Variants in QSER1 observed in about 807,000 individuals in gnomAD.
QSER1 encodes the protein glutamine and serine-rich protein 1.
A neutral mutation model predicts 158.5 loss-of-function variants in QSER1; 49 were observed. That is an observed-to-expected ratio of 0.31 (90% CI 0.25 to 0.39). QSER1 has a LOEUF of 0.39. Ranked by LOEUF, QSER1 falls within the 10% of genes least tolerant of loss-of-function variation. QSER1 has a pLI of 1.00. For missense variants in QSER1, 1,754 were observed against 2,010.3 expected (o/e 0.87, Z 2.44); for synonymous variants, 650 against 715.5 (o/e 0.91, Z 1.46).
At chr11:32,969,671 TTTTTC>T (rs1212906020) in intron 10 of QSER1, among the ~76,000 whole-genome samples, 12 of 151,266 alleles carry the variant, frequency 7.9e-5, no homozygotes, top group Admixed American at 3.3e-4. Context: ...TTTCTAGCTT[TTTTTC>T]TTTTCTTTTC....
rs774197742 is a variant in QSER1, at chr11:32,934,684, T to C, written c.3426T>C (p.Ser1142=). Residue 1142 remains serine, a synonymous_variant, in exon 4 of 13, where the codon AGT becomes AGC. Coordinates refer to ENST00000650167, the MANE Select transcript of QSER1 (RefSeq NM_001076786.3). The part of the protein sequence containing the change: ...RNQEFVSSSR[S]ISGENATSES... Reference sequence around the variant, plus strand: ...AAGAGTTTGTTTCTAGTAGTAGAAGTATAAGTGGAGAGAATGCTACATCAG... The same window carrying C: ...AAGAGTTTGTTTCTAGTAGTAGAAGCATAAGTGGAGAGAATGCTACATCAG... 6.2e-7 allele frequency: 1 copy of C among 1,613,814 alleles called. No homozygotes were observed. The highest frequency in any genetic ancestry group is 8.5e-7 in the Non-Finnish European group (1 of 1,179,908).
intron 1 of QSER1, among the ~76,000 whole-genome samples, chr11:32,903,282 A>G (rs560649805): frequency 4.6e-5 from 7 of 151,804 alleles, no homozygotes; most frequent in African/African-American, 1.5e-4. Flanking sequence ...AGCACCTCTC[A>G]TATTCTAGAC....
At chr11:32,943,758 T>G (rs1330910941) in intron 4 of QSER1, among the ~76,000 whole-genome samples, 3 of 152,110 alleles carry the variant, frequency 2.0e-5, no homozygotes, top group African/African-American at 4.8e-5. Flanking sequence ...TAAAATGAGT[T>G]AGGGAGGATT....
At position 32,957,134 on chromosome 11, in the gene QSER1, CT is replaced by C. The variant is rs548632242; in HGVS notation, c.4752-719del. On this transcript the variant is annotated intron_variant, in intron 7 of 12. Coordinates refer to ENST00000650167, the MANE Select transcript of QSER1 (RefSeq NM_001076786.3). ...GTTTTTCTTTTTTTTCTTTTTTTTT[CT>C]TTTTTTTTTTTTTTTCTTTTTTTTG... is the stretch of plus-strand genomic sequence containing the variant. Among the ~76,000 whole-genome samples the C allele has an allele frequency of 9.5e-3, 1,217 of 127,840 alleles. 6 individuals carry two copies. The highest frequency in any genetic ancestry group is 0.023 in the African/African-American group (796 of 34,868). 83.9% of individuals were successfully genotyped at this position (127,840 alleles called of 152,430 possible). A position where few individuals can be genotyped will look rare whatever the true frequency, so the allele number is the denominator to read the frequency against.
chr11:32,952,624 G>A (rs1041089439), intron 4 of QSER1, among the ~76,000 whole-genome samples: 1 of 152,030 alleles, frequency 6.6e-6, no homozygotes, highest in African/African-American at 2.4e-5. Context: ...AGAATGAGTT[G>A]GGAAGTGTTT....
At chr11:32,909,851 A>G (rs1392934090) in intron 1 of QSER1, among the ~76,000 whole-genome samples, 2 of 152,096 alleles carry the variant, frequency 1.3e-5, no homozygotes. Flanking sequence ...TATAAGGTGT[A>G]TTTTGATTTT....
At chr11:32,970,521 C>T (rs552402761) in intron 10 of QSER1, among the ~76,000 whole-genome samples, 134 of 152,280 alleles carry the variant, frequency 8.8e-4, no homozygotes, top group Non-Finnish European at 1.6e-3. Flanking sequence ...TCTCCTGCCT[C>T]AGCCTCCCAA....
chr11:32,962,419 T>G (rs1852641510), intron 8 of QSER1, among the ~76,000 whole-genome samples: 1 of 152,238 alleles, frequency 6.6e-6, no homozygotes, highest in Admixed American at 6.5e-5. Context: ...TATTAAACCC[T>G]TAATCAGATA....
intron 1 of QSER1, among the ~76,000 whole-genome samples, chr11:32,902,177 T>G (rs2133492537): frequency 6.6e-6 from 1 of 152,240 alleles, no homozygotes; most frequent in South Asian, 2.1e-4. Flanking sequence ...TTGAGAAAAT[T>G]TTCTCCTAGA....
Position 32,892,840 on chromosome 11 carries a change from A to T in QSER1, c.-286A>T, listed in dbSNP as rs1331105849. 1.2e-4 allele frequency among the ~76,000 whole-genome samples: 7 copies of T among 58,974 alleles called. No homozygotes were observed. The highest frequency in any genetic ancestry group is 9.0e-4 in the Admixed American group (5 of 5,580). 38.7% of individuals were successfully genotyped at this position (58,974 alleles called of 152,430 possible). ...TGGGAAATCCACCAACATGGGGCGC[A>T]GCGGCCGCCGCCGCCGCCGCCGTCG... On this transcript the variant is annotated 5_prime_UTR_variant, in exon 1 of 13. Coordinates refer to ENST00000650167, the MANE Select transcript of QSER1 (RefSeq NM_001076786.3).
chr11:32,959,116 T>A (rs1392481663), intron 8 of QSER1, among the ~76,000 whole-genome samples: 1 of 152,204 alleles, frequency 6.6e-6, no homozygotes, highest in Non-Finnish European at 1.5e-5. Context: ...AGTAGTGTAG[T>A]ACAGAGGTTG....
Position 32,956,093 on chromosome 11 carries a change from C to T in QSER1, c.4723C>T (p.Pro1575Ser). 3 of 1,611,232 alleles carry T rather than the reference C, an allele frequency of 1.9e-6. No individual in the cohort carries two copies. The highest frequency in any genetic ancestry group is 2.5e-6 in the Non-Finnish European group (3 of 1,178,508). The change falls in exon 7 of 13, where the codon CCA becomes TCA. Residue 1575 changes from proline (P) to serine (S), a missense_variant. Physicochemically the swap from Pro to Ser is moderately conservative, Grantham distance 74 (BLOSUM62 -1). Around this residue, in one of 2 missense-constraint regions of QSER1, gnomAD observed 1,707 missense variants for 1,919.6 expected, o/e 0.89. Coordinates refer to ENST00000650167, the MANE Select transcript of QSER1 (RefSeq NM_001076786.3). ...KEYVRVCSKKPRNKPSQTIRT... is the reference protein window; with the variant it reads ...KEYVRVCSKKSRNKPSQTIRT... ...ATATGTCAGAGTGTGTTCTAAAAAG[C>T]CAAGAAATAAACCTTCACAAACTAT...
chr11:32,959,147 A>G (rs1411135876), intron 8 of QSER1, among the ~76,000 whole-genome samples: 1 of 152,192 alleles, frequency 6.6e-6, no homozygotes, highest in Non-Finnish European at 1.5e-5. Flanking sequence ...TGCAGACTGA[A>G]TCTGACCCTC....
intron 8 of QSER1, among the ~76,000 whole-genome samples, chr11:32,965,944 AACACACACACAC>A (rs5790910): frequency 1.5e-4 from 18 of 123,620 alleles, no homozygotes; most frequent in East Asian, 5.6e-4. Context: ...TCTGTCTCAA[AACACACACACAC>A]ACACACACAC....
chr11:32,922,456 T>C (rs974210162), intron 1 of QSER1, among the ~76,000 whole-genome samples: 3 of 151,828 alleles, frequency 2.0e-5, no homozygotes, highest in East Asian at 3.9e-4. Context: ...GAGATACTTA[T>C]TGTACATCAA....
intron 1 of QSER1, among the ~76,000 whole-genome samples, chr11:32,897,743 G>A (rs943795096): frequency 3.3e-5 from 5 of 152,160 alleles, no homozygotes; most frequent in Admixed American, 3.3e-4. Context: ...AGACTCTTCT[G>A]AAAACCTGAT....
chr11:32,954,833 A>T (rs1487837271), intron 5 of QSER1, among the ~76,000 whole-genome samples: 1 of 152,194 alleles, frequency 6.6e-6, no homozygotes, highest in African/African-American at 2.4e-5. Context: ...GAGCCACTGC[A>T]TACAGCCACT....
At chr11:32,910,198 T>TCC (rs1851748982) in intron 1 of QSER1, among the ~76,000 whole-genome samples, 1 of 152,216 alleles carries the variant, frequency 6.6e-6, no homozygotes, top group African/African-American at 2.4e-5. Context: ...CAGGGCTTGC[T>TCC]TAAGATCCCT....
At chr11:32,941,122 G>T (rs191730905) in intron 4 of QSER1, among the ~76,000 whole-genome samples, 1 of 151,418 alleles carries the variant, frequency 6.6e-6, no homozygotes, top group Non-Finnish European at 1.5e-5. Context: ...TTTCGAACTG[G>T]CTTATTATTT....
Sources: gnomAD v4.1 joint callset for allele counts (sites outside exome capture counted in the v4.1 genomes callset) on GRCh38, gnomAD v4.1.1 for gene constraint, gnomAD v4.1.1 regional missense constraint, MANE v1.5 for transcripts, NCBI Gene and HGNC (gene_info 2026-07-23, HGNC 2026-07-21) for gene names.